VPS53: variants seen among roughly 807,000 people sequenced by gnomAD.
The protein encoded by VPS53 is vacuolar protein sorting-associated protein 53 homolog.
In VPS53, 70 loss-of-function variants were observed where a neutral mutation model predicts 107.0. That is an observed-to-expected ratio of 0.65 (90% CI 0.54 to 0.80). The LOEUF is 0.80. Among genes scored for constraint, VPS53 ranks in the 30% least tolerant of loss-of-function variants. VPS53 has a pLI of 0.00. For missense variants in VPS53, 917 were observed against 1,049.4 expected (o/e 0.87, Z 1.74); for synonymous variants, 409 against 393.3 (o/e 1.04, Z -0.47).
chr17:562,342 T>C (rs1319433521), intron 14 of VPS53, among the ~76,000 whole-genome samples, 161 bp downstream of exon 14: 2 of 152,144 alleles, frequency 1.3e-5, no homozygotes, highest in Non-Finnish European at 2.9e-5. Context: ...AGCTGTGGAA[T>C]GTCAGAGAGG....
At chr17:627,422 G>C in intron 9 of VPS53, 106 bp from the exon 10 acceptor site, 1 of 1,309,524 alleles carries the variant, frequency 7.6e-7, no homozygotes, top group Non-Finnish European at 1.0e-6. Flanking sequence ...ACCAACCTCT[G>C]TATTTCTCAT....
intron 5 of VPS53, among the ~76,000 whole-genome samples, chr17:658,901 C>T (rs1171832209): frequency 6.6e-6 from 1 of 152,132 alleles, no homozygotes; most frequent in Admixed American, 6.5e-5. Context: ...CAGGTTACGA[C>T]CTGCACAGCT....
At chr17:534,414 G>A (rs1480777997) in intron 18 of VPS53, among the ~76,000 whole-genome samples, 1 of 152,150 alleles carries the variant, frequency 6.6e-6, no homozygotes, top group African/African-American at 2.4e-5. Context: ...TTGCAGGGGT[G>A]GGGTAGAAAG....
At chr17:596,401 G>T (rs559034445) in intron 12 of VPS53, among the ~76,000 whole-genome samples, 1 of 152,038 alleles carries the variant, frequency 6.6e-6, no homozygotes, top group Non-Finnish European at 1.5e-5. Flanking sequence ...CGTCCCACAG[G>T]TCCTGCCCTT....
At chr17:643,910 C>A (rs996330284) in intron 7 of VPS53, among the ~76,000 whole-genome samples, 4 of 152,240 alleles carry the variant, frequency 2.6e-5, no homozygotes, top group Admixed American at 1.3e-4. Context: ...GCAGGCCTGT[C>A]CATTTCCAGG....
intron 11 of VPS53, among the ~76,000 whole-genome samples, chr17:623,058 G>A (rs1221440589): frequency 3.3e-5 from 5 of 152,052 alleles, no homozygotes; most frequent in East Asian, 1.9e-4. Context: ...ACGTTTAACC[G>A]GCAGTACTAT....
chr17:587,316 A>G (rs533900701), intron 12 of VPS53, among the ~76,000 whole-genome samples: 13 of 152,074 alleles, frequency 8.5e-5, no homozygotes, highest in Middle Eastern at 3.4e-3. Flanking sequence ...ACCCACCTCT[A>G]CCTCCCAAAG....
At chr17:584,397 G>C (rs926128510) in intron 13 of VPS53, among the ~76,000 whole-genome samples, 1 of 152,198 alleles carries the variant, frequency 6.6e-6, no homozygotes, top group Non-Finnish European at 1.5e-5. Context: ...GTCTTCGGCT[G>C]TTAGTTTGGA....
chr17:652,734 T>A (rs1404784817), intron 7 of VPS53, among the ~76,000 whole-genome samples: 1 of 152,240 alleles, frequency 6.6e-6, no homozygotes, highest in Non-Finnish European at 1.5e-5. Context: ...AATTATTGTT[T>A]TAAGCTACTA....
At position 519,081 on chromosome 17, in the gene VPS53, C is replaced by T. The variant is rs372135077; in HGVS notation, c.*47G>A. The T allele has an allele frequency of 1.3e-4, 187 of 1,453,404 alleles. No individual in the cohort carries two copies. Among genetic ancestry groups the T allele is most frequent in the East Asian group, 2.3e-4 (9 of 38,984 alleles). The allele number at this position is 1,453,404 out of a possible 1,614,324, so 90.0% of individuals were successfully genotyped here. A position where few individuals can be genotyped will look rare whatever the true frequency, so the allele number is the denominator to read the frequency against. On this transcript the variant is annotated 3_prime_UTR_variant, in exon 22 of 22. Coordinates refer to ENST00000437048, the MANE Select transcript of VPS53 (RefSeq NM_001128159.3). This position sits in a 1 kb window ranked among gnomAD's most constrained non-coding sequence, Gnocchi z 5.0. ...GGAGAGGTTGGGGGCTTCTGGGGAACGGGCGCTGAGGGTCTCCAGCCAGGA... is the reference window on the plus strand; with the variant it reads ...GGAGAGGTTGGGGGCTTCTGGGGAATGGGCGCTGAGGGTCTCCAGCCAGGA...
At chr17:656,915 T>C (rs1971215294) in intron 5 of VPS53, 2 of 1,427,118 alleles carry the variant, frequency 1.4e-6, no homozygotes, top group East Asian at 4.6e-5. Flanking sequence ...AGTGAAAATG[T>C]TGGAAACTTG....
Position 518,931 on chromosome 17 carries a change from C to T in VPS53, c.*197G>A, listed in dbSNP as rs1345570705. On this transcript the variant is annotated 3_prime_UTR_variant, in exon 22 of 22. Transcript: ENST00000437048. ...GATCACCTAAATCGCCCTCTTAGAG[C>T]CCAGCCCTTACTCAGCGTCTCCGAT... The T allele has an allele frequency of 3.5e-6, 2 of 569,790 alleles. No individual in the cohort carries two copies. Among genetic ancestry groups the T allele is most frequent in the Non-Finnish European group, 5.8e-6 (2 of 346,900 alleles). The allele number at this position is 569,790 out of a possible 1,614,324, so 35.3% of individuals were successfully genotyped here.
chr17:668,377 T>C (rs1971788273), intron 4 of VPS53, among the ~76,000 whole-genome samples: 1 of 152,180 alleles, frequency 6.6e-6, no homozygotes, highest in Non-Finnish European at 1.5e-5. Flanking sequence ...AGAGTGCTGG[T>C]GCTGAGGCTA....
At position 515,148 on chromosome 17, in the gene VPS53, T is replaced by C. The variant is rs1223101463; in HGVS notation, c.*3980A>G. On this transcript the variant is annotated 3_prime_UTR_variant, in exon 22 of 22. Coordinates refer to ENST00000437048, the MANE Select transcript of VPS53 (RefSeq NM_001128159.3). Reference sequence around the variant, plus strand: ...TGGTTTTTAAAGGGGCTACAGAAAATGGACTGAGGGGAAGGAATGGGCACA... The same window carrying C: ...TGGTTTTTAAAGGGGCTACAGAAAACGGACTGAGGGGAAGGAATGGGCACA... 1.3e-5 allele frequency: 2 copies of C among 152,062 alleles called. No individual in the cohort carries two copies. The highest frequency in any genetic ancestry group is 2.9e-5 in the Non-Finnish European group (2 of 68,010). The allele number at this position is 152,062 out of a possible 1,614,324, so 9.4% of individuals were successfully genotyped here.
chr17:520,110 A>AAGC lies in VPS53; in HGVS notation c.2224-183_2224-181dup, dbSNP rs1460209062. The stretch of plus-strand genomic sequence containing the variant: ...TAAATGGATTCTGAGAGGTTTCCTT[A>AAGC]AGCAGCAGCAACCCAGACTAGAAAC... On this transcript the variant is annotated intron_variant, in intron 20 of 21. Coordinates refer to ENST00000437048, the MANE Select transcript of VPS53 (RefSeq NM_001128159.3). This position sits in a 1 kb window ranked among gnomAD's most constrained non-coding sequence, Gnocchi z 4.4. Among the ~76,000 whole-genome samples, 1 of 152,164 alleles carries AAGC rather than the reference A, an allele frequency of 6.6e-6. No individual in the cohort carries two copies. The highest frequency in any genetic ancestry group is 2.4e-5 in the African/African-American group (1 of 41,442).
chr17:701,814 A>T (rs1393571350), intron 2 of VPS53, among the ~76,000 whole-genome samples: 2 of 152,120 alleles, frequency 1.3e-5, no homozygotes, highest in African/African-American at 2.4e-5. Flanking sequence ...GTAACCTCAA[A>T]CTCCTGGGCT....
At chr17:649,300 CCGAAGA>C in intron 7 of VPS53, among the ~76,000 whole-genome samples, 2 of 33,144 alleles carry the variant, frequency 6.0e-5, no homozygotes, top group Non-Finnish European at 1.1e-4. Flanking sequence ...GGAACAGGCA[CCGAAGA>C]TCTTACACTG....
In VPS53 at chr17:714,616, C is replaced by A. The variant is rs926915315; in HGVS notation, c.87+7G>T. On this transcript the variant is annotated splice_region_variant and intron_variant, in intron 1 of 21. Transcript: ENST00000437048. ...CCGTTTCCCCTCCTGAGGGGCGGAA[C>A]GCTTACCTGCTCGATGGCCAGCTGC... 1.4e-5 allele frequency: 23 copies of A among 1,609,890 alleles called. No homozygotes were observed. Among genetic ancestry groups the A allele is most frequent in the Admixed American group, 5.0e-5 (3 of 59,734 alleles).
At chr17:640,142 T>A (rs1018462660) in intron 7 of VPS53, among the ~76,000 whole-genome samples, 3 of 152,136 alleles carry the variant, frequency 2.0e-5, no homozygotes, top group Admixed American at 6.5e-5. Context: ...TGCAGTTTGA[T>A]CTCAGACTGC....
Sources: allele counts gnomAD v4.1 joint callset (sites outside exome capture counted in the v4.1 genomes callset), GRCh38; gene constraint gnomAD v4.1.1; non-coding constraint Gnocchi (gnomAD v3.1); transcripts MANE v1.5; gene names NCBI Gene and HGNC (gene_info 2026-07-23, HGNC 2026-07-21).